The following SLC5A3 variants were observed in gnomAD, a reference collection of about 807,000 sequenced individuals.
The protein encoded by SLC5A3 is sodium/myo-inositol cotransporter.
In SLC5A3, 10 loss-of-function variants were observed where a neutral mutation model predicts 43.2. The observed-to-expected ratio is 0.23, with a 90% CI of 0.14 to 0.39. SLC5A3 has a LOEUF of 0.39. Among genes scored for constraint, SLC5A3 ranks in the 10% least tolerant of loss-of-function variants. The pLI is 1.00. For missense variants in SLC5A3, 608 were observed against 893.4 expected (o/e 0.68, Z 4.07); for synonymous variants, 349 against 322.0 (o/e 1.08, Z -0.90).
chr21:34,083,850 G>A (rs1287580326), intron 1 of SLC5A3, among the ~76,000 whole-genome samples: 1 of 152,118 alleles, frequency 6.6e-6, no homozygotes, highest in East Asian at 1.9e-4. Flanking sequence ...ACTGTCTTGA[G>A]TATTTTATCT....
At chr21:34,078,815 T>C (rs1228027718) in intron 1 of SLC5A3, among the ~76,000 whole-genome samples, 1 of 152,230 alleles carries the variant, frequency 6.6e-6, no homozygotes, top group Non-Finnish European at 1.5e-5. Flanking sequence ...TAAAAAGTTG[T>C]TGCAATTTGA....
chr21:34,074,175 T>C (rs1231718979), intron 1 of SLC5A3, among the ~76,000 whole-genome samples: 1 of 149,548 alleles, frequency 6.7e-6, no homozygotes, highest in Non-Finnish European at 1.5e-5. Flanking sequence ...CGCCGCCGCC[T>C]GGTCCGTCCC....
intron 1 of SLC5A3, among the ~76,000 whole-genome samples, chr21:34,087,382 A>C (rs902798804): frequency 2.0e-5 from 3 of 152,112 alleles, no homozygotes; most frequent in Non-Finnish European, 4.4e-5. Flanking sequence ...TTAATATTTG[A>C]TTTTTTTATT....
Position 34,103,433 on chromosome 21 carries a change from A to T in SLC5A3, c.*6078A>T. On this transcript the variant is annotated 3_prime_UTR_variant, in exon 2 of 2. Transcript: ENST00000381151. ...GTAGCCTAAATGTTGTTTCTTTTAT[A>T]TCCATTAAAAACTTAAAGTTACTTA... The T allele has an allele frequency of 1.0e-6, 1 of 998,120 alleles. No individual in the cohort carries two copies. The allele number at this position is 998,120 out of a possible 1,614,324, so 61.8% of individuals were successfully genotyped here. A position where few individuals can be genotyped will look rare whatever the true frequency, so the allele number is the denominator to read the frequency against.
At chr21:34,074,289 C>T (rs1043316455) in intron 1 of SLC5A3, among the ~76,000 whole-genome samples, 3 of 152,136 alleles carry the variant, frequency 2.0e-5, no homozygotes, top group Non-Finnish European at 4.4e-5. Context: ...CTTGTTTGTG[C>T]CGTTGTCTGT....
chr21:34,098,376 G>GAA lies in SLC5A3; in HGVS notation c.*1022_*1023insAA. The GAA allele has an allele frequency of 1.0e-6, 1 of 1,000,264 alleles. No homozygotes were observed. Among genetic ancestry groups the GAA allele is most frequent in the Non-Finnish European group, 1.2e-6 (1 of 829,996 alleles). 62.0% of individuals were successfully genotyped at this position (1,000,264 alleles called of 1,614,324 possible). On this transcript the variant is annotated 3_prime_UTR_variant, in exon 2 of 2. Coordinates refer to ENST00000381151, the MANE Select transcript of SLC5A3 (RefSeq NM_006933.7). Reference sequence around the variant, plus strand: ...CTTTGTGTGCTGGATTGCTCTACTTGATTAGATCATGATATATCAAGGTTG... The same window carrying GAA: ...CTTTGTGTGCTGGATTGCTCTACTTGAAATTAGATCATGATATATCAAGGTTG...
At chr21:34,085,600 CTTT>C (rs56135810) in intron 1 of SLC5A3, among the ~76,000 whole-genome samples, 4 of 130,252 alleles carry the variant, frequency 3.1e-5, no homozygotes, top group Non-Finnish European at 1.6e-5. Flanking sequence ...GAAATAAGGA[CTTT>C]TTTTTTTTTT....
chr21:34,104,407 A>G lies in SLC5A3; in HGVS notation c.*7052A>G. The stretch of plus-strand genomic sequence containing the variant: ...CCGAGTAGCTTGTTTATCAAGAATG[A>G]ATGAATGTCTTTGTCTTAAATTTTG... On this transcript the variant is annotated 3_prime_UTR_variant, in exon 2 of 2. Coordinates refer to ENST00000381151, the MANE Select transcript of SLC5A3 (RefSeq NM_006933.7). The G allele has an allele frequency of 7.0e-6, 7 of 1,000,222 alleles. No homozygotes were observed. The highest frequency in any genetic ancestry group is 8.4e-6 in the Non-Finnish European group (7 of 829,978). The allele number at this position is 1,000,222 out of a possible 1,614,324, so 62.0% of individuals were successfully genotyped here. A position where few individuals can be genotyped will look rare whatever the true frequency, so the allele number is the denominator to read the frequency against.
intron 1 of SLC5A3, among the ~76,000 whole-genome samples, 157 bp downstream of exon 1, chr21:34,073,902 G>A (rs1480012027): frequency 6.9e-6 from 1 of 145,736 alleles, no homozygotes; most frequent in Non-Finnish European, 1.5e-5. Flanking sequence ...TCCGCGGGAA[G>A]GGGGCGCGCG....
chr21:34,088,528 T>A (rs922886677), intron 1 of SLC5A3, among the ~76,000 whole-genome samples: 1 of 152,276 alleles, frequency 6.6e-6, no homozygotes, highest in Non-Finnish European at 1.5e-5. Flanking sequence ...TTGTTACATA[T>A]CCATCTTGTG....
chr21:34,099,546 T>A lies in SLC5A3; in HGVS notation c.*2191T>A, dbSNP rs117475305. On this transcript the variant is annotated 3_prime_UTR_variant, in exon 2 of 2. Coordinates refer to ENST00000381151, the MANE Select transcript of SLC5A3 (RefSeq NM_006933.7). ...GTGTAATTCACTGATAATTGACATATTGGCTGGGCAGCCTATCTCTTCCAT... is the reference window on the plus strand; with the variant it reads ...GTGTAATTCACTGATAATTGACATAATGGCTGGGCAGCCTATCTCTTCCAT... The A allele has an allele frequency of 2.6e-4, 257 of 1,000,008 alleles. 1 individual carries two copies. In the East Asian group the frequency reaches 0.013, roughly 52 times the overall value. The allele number at this position is 1,000,008 out of a possible 1,614,324, so 61.9% of individuals were successfully genotyped here.
In SLC5A3 at chr21:34,096,006, C is replaced by G. The variant is rs1978949623; in HGVS notation, c.808C>G (p.Pro270Ala). The G allele has an allele frequency of 6.2e-7, 1 of 1,613,954 alleles. No homozygotes were observed. The highest frequency in any genetic ancestry group is 1.7e-5 in the Admixed American group (1 of 59,982). Residue 270 changes from proline to alanine, a missense_variant, in exon 2 of 2, where the codon CCA becomes GCA. This residue lies in a region of SLC5A3 where 398 missense variants were observed against 668.6 expected (regional missense o/e 0.60). Transcript: ENST00000381151. The surrounding 1 kb of genome is among the most constrained non-coding windows in gnomAD (Gnocchi z 5.9). ...PWPGFILGQT[P>A]ASVWYWCADQ... is the part of the protein sequence containing the mutation. The stretch of plus-strand genomic sequence containing the variant: ...GCCTGGATTCATTCTTGGGCAGACC[C>G]CAGCTTCAGTATGGTACTGGTGTGC...
At position 34,098,575 on chromosome 21, in the gene SLC5A3, C is replaced by T. The variant is rs747322767; in HGVS notation, c.*1220C>T. On this transcript the variant is annotated 3_prime_UTR_variant, in exon 2 of 2. Transcript: ENST00000381151. ...CAAACTGGCCGTCGGTAACAGAAAA[C>T]TCAGTGCATACTTTGCTGTTGTTAG... 21 of 1,000,084 alleles carry T rather than the reference C, an allele frequency of 2.1e-5. No homozygotes were observed. Among genetic ancestry groups the T allele is most frequent in the Non-Finnish European group, 2.4e-5 (20 of 829,988 alleles). The allele number at this position is 1,000,084 out of a possible 1,614,324, so 62.0% of individuals were successfully genotyped here.
Position 34,095,859 on chromosome 21 carries a change from T to C in SLC5A3, c.661T>C (p.Ser221Pro). Reference protein sequence around the residue: ...EEVKRRYMLASPDVTSILLTY... With the variant: ...EEVKRRYMLAPPDVTSILLTY... ...AGTTAAGAGAAGGTACATGTTGGCC[T>C]CACCCGATGTCACTTCCATCTTATT... is the stretch of plus-strand genomic sequence containing the variant. Residue 221 changes from serine to proline, a missense_variant, in exon 2 of 2, where the codon TCA (serine) becomes CCA (proline). By Grantham distance (74) the Ser-to-Pro change is moderately conservative. This residue lies in a region of SLC5A3 where 398 missense variants were observed against 668.6 expected (regional missense o/e 0.60). Coordinates refer to ENST00000381151, the MANE Select transcript of SLC5A3 (RefSeq NM_006933.7). 6.2e-7 allele frequency: 1 copy of C among 1,614,104 alleles called. No homozygotes were observed. Among genetic ancestry groups the C allele is most frequent in the Non-Finnish European group, 8.5e-7 (1 of 1,179,996 alleles).
rs1979322803 is a variant in SLC5A3 at position 34,103,159 on chromosome 21, G to A, written c.*5804G>A. 1 of 999,758 alleles carries A rather than the reference G, an allele frequency of 1.0e-6. No homozygotes were observed. Among genetic ancestry groups the A allele is most frequent in the Non-Finnish European group, 1.2e-6 (1 of 829,670 alleles). The allele number at this position is 999,758 out of a possible 1,614,324, so 61.9% of individuals were successfully genotyped here. A position where few individuals can be genotyped will look rare whatever the true frequency, so the allele number is the denominator to read the frequency against. ...CAAACTGGCAAAGGCCAGTATATAT[G>A]GTATTCCATAATATAACCAGCTTTT... On this transcript the variant is annotated 3_prime_UTR_variant, in exon 2 of 2. Coordinates refer to ENST00000381151, the MANE Select transcript of SLC5A3 (RefSeq NM_006933.7).
Position 34,104,473 on chromosome 21 carries a change from A to G in SLC5A3, c.*7118A>G. On this transcript the variant is annotated 3_prime_UTR_variant, in exon 2 of 2. Coordinates refer to ENST00000381151, the MANE Select transcript of SLC5A3 (RefSeq NM_006933.7). ...ATGTAATTCTCAGAATGGGAGAGAA[A>G]TGACTACCTTTGTTCCTACTCTTTT... 3 of 998,946 alleles carry G rather than the reference A, an allele frequency of 3.0e-6. No individual in the cohort carries two copies. Among genetic ancestry groups the G allele is most frequent in the Non-Finnish European group, 3.6e-6 (3 of 828,996 alleles). 61.9% of individuals were successfully genotyped at this position (998,946 alleles called of 1,614,324 possible).
At chr21:34,090,897 T>C (rs1441916729) in intron 1 of SLC5A3, among the ~76,000 whole-genome samples, 1 of 152,204 alleles carries the variant, frequency 6.6e-6, no homozygotes, top group East Asian at 1.9e-4. Flanking sequence ...TACATAGATG[T>C]GGTACCTACA....
rs1979436375 is a variant in SLC5A3 at position 34,105,479 on chromosome 21, T to G, written c.*8124T>G. 1.0e-6 allele frequency: 1 copy of G among 999,778 alleles called. No individual in the cohort carries two copies. The highest frequency in any genetic ancestry group is 6.2e-5 in the Admixed American group (1 of 16,258). 61.9% of individuals were successfully genotyped at this position (999,778 alleles called of 1,614,324 possible). ...GAGTGCTGCTGCTTTTATCTAGTAA[T>G]TTTGATATGTAAGTATTAATGCATT... On this transcript the variant is annotated 3_prime_UTR_variant, in exon 2 of 2. Coordinates refer to ENST00000381151, the MANE Select transcript of SLC5A3 (RefSeq NM_006933.7).
intron 1 of SLC5A3, among the ~76,000 whole-genome samples, chr21:34,093,727 C>G (rs1402079297): frequency 1.3e-5 from 2 of 152,160 alleles, no homozygotes; most frequent in Non-Finnish European, 2.9e-5. Context: ...TTACAATTAA[C>G]TGAAAATTTA....
Sources: allele counts gnomAD v4.1 joint callset (sites outside exome capture counted in the v4.1 genomes callset), GRCh38; gene constraint gnomAD v4.1.1; regional missense constraint gnomAD v4.1.1; non-coding constraint Gnocchi (gnomAD v3.1); transcripts MANE v1.5; gene names NCBI Gene and HGNC (gene_info 2026-07-23, HGNC 2026-07-21).